FRMD6: variants seen among roughly 807,000 people sequenced by gnomAD.
FRMD6 encodes FERM domain containing 6, also known as FERM domain-containing protein 6.
In FRMD6, 37 loss-of-function variants were observed where a neutral mutation model predicts 73.2. That is an observed-to-expected ratio of 0.51 (90% confidence interval 0.39 to 0.66). The LOEUF is 0.66. FRMD6 is among the 30% of genes least tolerant of loss of function. FRMD6 has a pLI of 0.00. For synonymous variants in FRMD6, 273 were observed against 282.2 expected (o/e 0.97, Z 0.33); for missense variants, 714 against 780.5 (o/e 0.91, Z 1.02).
chr14:51,630,588 A>C (rs1414391089), intron 2 of FRMD6, among the ~76,000 whole-genome samples: 1 of 152,062 alleles, frequency 6.6e-6, no homozygotes, highest in African/African-American at 2.4e-5. Flanking sequence ...TCCACAAGAA[A>C]ATAAAAAAAG....
the FRMD6 span, among the ~76,000 whole-genome samples, chr14:51,435,051 G>T: frequency 6.6e-6 from 1 of 152,144 alleles, no homozygotes; most frequent in Admixed American, 6.5e-5. Context: ...CATGACAACC[G>T]AATACAATGT....
chr14:51,679,322 T>C (rs2140292271), intron 1 of FRMD6, among the ~76,000 whole-genome samples: 1 of 151,210 alleles, frequency 6.6e-6, no homozygotes, highest in Non-Finnish European at 1.5e-5. Flanking sequence ...ATATATTTGC[T>C]ATATATAATG....
At chr14:51,478,707 G>T in the FRMD6 span, among the ~76,000 whole-genome samples, 3 of 152,246 alleles carry the variant, frequency 2.0e-5, no homozygotes, top group Non-Finnish European at 4.4e-5. Flanking sequence ...GCAGGAAAGA[G>T]AATATTTTAG....
chr14:51,477,927 A>G, the FRMD6 span, among the ~76,000 whole-genome samples: 5 of 152,158 alleles, frequency 3.3e-5, no homozygotes, highest in South Asian at 1.0e-3. Flanking sequence ...CAATAGAGAC[A>G]GGGTTTTGCC....
intron 2 of FRMD6, among the ~76,000 whole-genome samples, chr14:51,606,393 A>T (rs1890258117): frequency 1.3e-5 from 2 of 152,192 alleles, no homozygotes; most frequent in Non-Finnish European, 2.9e-5. Context: ...AGACACATGC[A>T]CATCCTCACA....
In FRMD6 at chr14:51,701,050, G is replaced by A. The variant is rs766980784; in HGVS notation, c.191-6G>A. Reference sequence around the variant, plus strand: ...AGCATGTCGTCTCCTTTTTTTTAATGTACAGATAATGAACATGTGTATATG... The same window carrying A: ...AGCATGTCGTCTCCTTTTTTTTAATATACAGATAATGAACATGTGTATATG... On this transcript the variant is annotated splice_polypyrimidine_tract_variant and splice_region_variant and intron_variant, in intron 3 of 13. Coordinates refer to ENST00000344768, the MANE Select transcript of FRMD6 (RefSeq NM_001267046.2). The A allele has an allele frequency of 4.4e-6, 6 of 1,365,816 alleles. No homozygotes were observed. The highest frequency in any genetic ancestry group is 5.1e-5 in the East Asian group (2 of 39,476). 84.6% of individuals were successfully genotyped at this position (1,365,816 alleles called of 1,614,324 possible). A position where few individuals can be genotyped will look rare whatever the true frequency, so the allele number is the denominator to read the frequency against.
At chr14:51,697,137 A>G (rs1296205831) in intron 2 of FRMD6, among the ~76,000 whole-genome samples, 2 of 152,172 alleles carry the variant, frequency 1.3e-5, no homozygotes, top group East Asian at 3.9e-4. Flanking sequence ...TAGTACTACC[A>G]TATGATCCTG....
At chr14:51,666,494 G>A (rs1179694604) in intron 1 of FRMD6, among the ~76,000 whole-genome samples, 1 of 152,210 alleles carries the variant, frequency 6.6e-6, no homozygotes, top group Admixed American at 6.5e-5. Context: ...TTATTAAGAA[G>A]TAGAGGTGCT....
At chr14:51,678,139 A>C (rs996869129) in intron 1 of FRMD6, among the ~76,000 whole-genome samples, 1 of 152,152 alleles carries the variant, frequency 6.6e-6, no homozygotes, top group Non-Finnish European at 1.5e-5. Context: ...ATGTACTGTT[A>C]TAATTTCCAT....
chr14:51,429,567 A>G, the FRMD6 span, among the ~76,000 whole-genome samples: 1 of 152,156 alleles, frequency 6.6e-6, no homozygotes, highest in Non-Finnish European at 1.5e-5. Context: ...TTATGTGGCT[A>G]AGGACATCTC....
At chr14:51,672,954 A>G (rs1031039903) in intron 1 of FRMD6, among the ~76,000 whole-genome samples, 2 of 152,160 alleles carry the variant, frequency 1.3e-5, no homozygotes, top group African/African-American at 4.8e-5. Flanking sequence ...TTATTCTAGC[A>G]TGTAAGTAAG....
At chr14:51,421,178 T>C in the FRMD6 span, among the ~76,000 whole-genome samples, 1 of 152,192 alleles carries the variant, frequency 6.6e-6, no homozygotes, top group African/African-American at 2.4e-5. Context: ...GTATGTGTGT[T>C]GACAGCAGCT....
the FRMD6 span, among the ~76,000 whole-genome samples, chr14:51,398,265 G>A: frequency 1.3e-4 from 20 of 152,240 alleles, no homozygotes; most frequent in Non-Finnish European, 2.1e-4. Context: ...TACAAGGGCC[G>A]TTCTGAGAAT....
intron 1 of FRMD6, among the ~76,000 whole-genome samples, chr14:51,549,434 G>A (rs1435013967): frequency 6.6e-6 from 1 of 152,096 alleles, no homozygotes; most frequent in Non-Finnish European, 1.5e-5. Flanking sequence ...AACAGCCTGT[G>A]GAGCGAGGTT....
intron 10 of FRMD6, among the ~76,000 whole-genome samples, chr14:51,718,230 A>AT (rs1897338660): frequency 2.0e-5 from 3 of 152,364 alleles, no homozygotes; most frequent in South Asian, 4.1e-4. Context: ...GAAGCCAGCC[A>AT]TGTGGAACAC....
chr14:51,529,727 C>A (rs562808239), intron 1 of FRMD6, among the ~76,000 whole-genome samples: 7 of 152,316 alleles, frequency 4.6e-5, no homozygotes, highest in Admixed American at 4.6e-4. Context: ...TCTCACCTGG[C>A]AAAAGCACCT....
At chr14:51,606,610 C>T (rs906474900) in intron 2 of FRMD6, among the ~76,000 whole-genome samples, 1 of 152,132 alleles carries the variant, frequency 6.6e-6, no homozygotes, top group Non-Finnish European at 1.5e-5. Context: ...GAAATGAATG[C>T]TGAAAAGCAG....
chr14:51,669,367 T>C (rs1305343900), intron 1 of FRMD6, among the ~76,000 whole-genome samples: 5 of 152,212 alleles, frequency 3.3e-5, no homozygotes, highest in Non-Finnish European at 5.9e-5. Context: ...ATTATATAAG[T>C]CTTGGGGGAC....
intron 11 of FRMD6, 59 bp from the exon 12 acceptor site, chr14:51,721,890 A>G (rs1897639673): frequency 6.3e-7 from 1 of 1,591,868 alleles, no homozygotes. Flanking sequence ...ATATGGTTGC[A>G]TATTATGATG....
Sources: gnomAD v4.1 joint callset for allele counts (sites outside exome capture counted in the v4.1 genomes callset) on GRCh38, gnomAD v4.1.1 for gene constraint, MANE v1.5 for transcripts, NCBI Gene and HGNC (gene_info 2026-07-23, HGNC 2026-07-21) for gene names.